The following BMERB1 variants were observed in gnomAD, a reference collection of about 807,000 sequenced individuals.
BMERB1 encodes the protein bMERB domain-containing protein 1.
Under a neutral mutation model 23.6 loss-of-function variants are expected in BMERB1, and 12 were observed. The observed-to-expected ratio is 0.51, with a 90% CI of 0.33 to 0.82. The LOEUF (loss-of-function observed/expected upper bound fraction) is 0.82, where lower values mean the gene tolerates loss of function less well. BMERB1 is among the 40% of genes least tolerant of loss of function. The pLI is 0.03. For missense variants in BMERB1, 247 were observed against 255.4 expected (o/e 0.97, Z 0.22); for synonymous variants, 122 against 96.6 (o/e 1.26, Z -1.54).
chr16:15,458,500 A>G (rs1406385688), intron 1 of BMERB1, among the ~76,000 whole-genome samples: 2 of 151,460 alleles, frequency 1.3e-5, no homozygotes, highest in African/African-American at 4.9e-5. Flanking sequence ...GGATTACCTG[A>G]ACTCAGGAGT....
intron 1 of BMERB1, among the ~76,000 whole-genome samples, chr16:15,510,665 G>T (rs1403159210): frequency 6.6e-6 from 1 of 152,000 alleles, no homozygotes; most frequent in Admixed American, 6.6e-5. Context: ...TGGTCTTCTA[G>T]CTTGGTAGCA....
chr16:15,550,086 A>C (rs1266465182), intron 2 of BMERB1, among the ~76,000 whole-genome samples: 1 of 151,550 alleles, frequency 6.6e-6, no homozygotes, highest in East Asian at 1.9e-4. Context: ...AGTAGCTGGG[A>C]CTACAAGCAC....
intron 2 of BMERB1, among the ~76,000 whole-genome samples, chr16:15,556,718 T>C (rs942099465): frequency 2.0e-5 from 3 of 152,164 alleles, no homozygotes; most frequent in Non-Finnish European, 4.4e-5. Context: ...CCTGAGTAGC[T>C]AGGACTACAA....
intron 1 of BMERB1, among the ~76,000 whole-genome samples, chr16:15,446,081 C>CT (rs776014909): frequency 1.1e-4 from 16 of 152,088 alleles, no homozygotes; most frequent in Non-Finnish European, 1.6e-4. Context: ...AAGCGAGACT[C>CT]TAACTCTACA....
At chr16:15,511,333 C>G (rs2051662022) in intron 1 of BMERB1, among the ~76,000 whole-genome samples, 1 of 152,144 alleles carries the variant, frequency 6.6e-6, no homozygotes, top group African/African-American at 2.4e-5. Context: ...TCACCCTTCC[C>G]TGGCAGAGGC....
chr16:15,503,383 G>A (rs542884241), intron 1 of BMERB1, among the ~76,000 whole-genome samples: 18 of 151,664 alleles, frequency 1.2e-4, no homozygotes, highest in African/African-American at 1.7e-4. Context: ...CCGGGTTCAC[G>A]CCATTCTTCT....
intron 2 of BMERB1, among the ~76,000 whole-genome samples, chr16:15,541,925 TG>T (rs1450353018): frequency 3.9e-5 from 5 of 127,270 alleles, no homozygotes; most frequent in African/African-American, 1.5e-4. Context: ...TTTTTTTTTT[TG>T]GTAGAGATGG....
In BMERB1 at chr16:15,456,741, G is replaced by A. The variant is rs115971732; in HGVS notation, c.106+21982G>A. On this transcript the variant is annotated intron_variant, in intron 1 of 5. Coordinates refer to ENST00000300006, the MANE Select transcript of BMERB1 (RefSeq NM_033201.3). ...TTAATTAATTCTTTATTGATGGACA[G>A]CTAGGTGATTTAACAATTTGATAAA... Among the ~76,000 whole-genome samples the A allele has an allele frequency of 5.5e-3, 831 of 152,212 alleles. 7 individuals are homozygous for A. The highest frequency in any genetic ancestry group is 0.019 in the African/African-American group (804 of 41,526).
intron 1 of BMERB1, among the ~76,000 whole-genome samples, chr16:15,451,075 C>A (rs2051037320): frequency 6.6e-6 from 1 of 152,008 alleles, no homozygotes; most frequent in East Asian, 1.9e-4. Context: ...TTTAAGGGGG[C>A]GTAACCAGCA....
chr16:15,512,697 G>A (rs1009175699), intron 1 of BMERB1, among the ~76,000 whole-genome samples: 4 of 152,046 alleles, frequency 2.6e-5, no homozygotes, highest in African/African-American at 9.7e-5. Context: ...TGGCCAACAT[G>A]GTGAAACCCC....
chr16:15,572,431 G>A (rs779824030), intron 3 of BMERB1, among the ~76,000 whole-genome samples: 8 of 152,204 alleles, frequency 5.3e-5, no homozygotes, highest in Non-Finnish European at 8.8e-5. Context: ...TTTCCTAGTT[G>A]AAAGAGAGCG....
chr16:15,568,530 C>A (rs776775677), intron 3 of BMERB1, among the ~76,000 whole-genome samples: 9 of 151,934 alleles, frequency 5.9e-5, no homozygotes, highest in Non-Finnish European at 1.3e-4. Flanking sequence ...CCCAGGTAAC[C>A]GGCAGGCTGA....
chr16:15,551,188 T>C (rs2030082177), intron 2 of BMERB1, among the ~76,000 whole-genome samples: 1 of 152,220 alleles, frequency 6.6e-6, no homozygotes. Context: ...GTGGTGTCTA[T>C]CATGAGACTT....
intron 1 of BMERB1, among the ~76,000 whole-genome samples, chr16:15,435,041 G>C (rs996621022): frequency 2.2e-4 from 34 of 152,388 alleles, no homozygotes; most frequent in African/African-American, 8.2e-4. Context: ...GGATCCGTCA[G>C]CTCGCAGCTG....
At chr16:15,520,456 A>C (rs2051836865) in intron 2 of BMERB1, among the ~76,000 whole-genome samples, 1 of 149,918 alleles carries the variant, frequency 6.7e-6, no homozygotes, top group African/African-American at 2.5e-5. Context: ...AAACTGACCC[A>C]ATAGTCCCAT....
intron 2 of BMERB1, among the ~76,000 whole-genome samples, chr16:15,556,431 G>T (rs1476596897): frequency 6.6e-6 from 1 of 152,134 alleles, no homozygotes; most frequent in East Asian, 1.9e-4. Flanking sequence ...ACAGCACTGA[G>T]GCTGAGAGCA....
intron 1 of BMERB1, among the ~76,000 whole-genome samples, chr16:15,444,451 T>C (rs375512683): frequency 7.9e-5 from 12 of 152,162 alleles, no homozygotes; most frequent in African/African-American, 2.4e-4. Context: ...TCTTGGACAA[T>C]TGGCCTAACT....
At chr16:15,581,038 C>T (rs1210673090) in intron 3 of BMERB1, among the ~76,000 whole-genome samples, 179 bp from the exon 4 acceptor site, 1 of 152,010 alleles carries the variant, frequency 6.6e-6, no homozygotes, top group African/African-American at 2.4e-5. Flanking sequence ...GACAGCCTCC[C>T]GAGTAGCTGG....
intron 2 of BMERB1, among the ~76,000 whole-genome samples, chr16:15,521,495 G>A (rs1444809857): frequency 6.6e-6 from 1 of 152,160 alleles, no homozygotes; most frequent in African/African-American, 2.4e-5. Context: ...ACAGAAAGAT[G>A]CATCAGGAAC....
Sources: gnomAD v4.1 joint callset for allele counts (sites outside exome capture counted in the v4.1 genomes callset) on GRCh38, gnomAD v4.1.1 for gene constraint, MANE v1.5 for transcripts, NCBI Gene and HGNC (gene_info 2026-07-23, HGNC 2026-07-21) for gene names.